The following SLC38A8 variants were observed in gnomAD, a reference collection of about 807,000 sequenced individuals.
SLC38A8 encodes amino acid transporter SLC38A8.
SLC38A8 carries 65 observed loss-of-function variants against 46.0 expected under a neutral mutation model. The ratio of observed to expected loss-of-function variants is 1.41; its 90% CI spans 1.16 to 1.74. The LOEUF (loss-of-function observed/expected upper bound fraction) is 1.74, where lower values mean the gene tolerates loss of function less well. Among genes scored for constraint, SLC38A8 ranks in the 40% most tolerant of loss-of-function variants. The pLI is 0.00. For synonymous variants in SLC38A8, 447 were observed against 243.7 expected (o/e 1.83, Z -7.77); for missense variants, 998 against 567.9 (o/e 1.76, Z -7.70).
At chr16:84,011,200 C>T (rs1224000398) in intron 10 of SLC38A8, among the ~76,000 whole-genome samples, 1 of 152,192 alleles carries the variant, frequency 6.6e-6, no homozygotes, top group African/African-American at 2.4e-5. Context: ...ACTCCTGGAG[C>T]AGCGCTGATG....
intron 9 of SLC38A8, among the ~76,000 whole-genome samples, chr16:84,015,775 G>C (rs1177737452): frequency 1.3e-5 from 2 of 152,154 alleles, no homozygotes; most frequent in Admixed American, 6.5e-5. Context: ...GCGCAATCTT[G>C]GCTCCCTGCA....
At chr16:84,042,338 G>C (rs2085377406) in intron 1 of SLC38A8, among the ~76,000 whole-genome samples, 179 bp from the exon 2 acceptor site, 1 of 151,988 alleles carries the variant, frequency 6.6e-6, no homozygotes, top group Non-Finnish European at 1.5e-5. Flanking sequence ...ACGACTTCTA[G>C]TCCCCCTTCG....
intron 6 of SLC38A8, among the ~76,000 whole-genome samples, chr16:84,024,004 G>A (rs1015346051): frequency 5.3e-5 from 8 of 152,244 alleles, no homozygotes; most frequent in African/African-American, 1.9e-4. Context: ...CACGATTGAT[G>A]TCTGGTGTGG....
At chr16:84,012,959 C>CG (rs1470014947) in intron 10 of SLC38A8, 42 bp downstream of exon 10, 1 of 1,601,434 alleles carries the variant, frequency 6.2e-7, no homozygotes, top group Admixed American at 1.7e-5. Context: ...TACTCTGATC[C>CG]GGGGCACACC....
intron 6 of SLC38A8, among the ~76,000 whole-genome samples, chr16:84,028,581 AAAG>A (rs1167945616): frequency 1.3e-5 from 2 of 151,186 alleles, no homozygotes; most frequent in African/African-American, 2.4e-5. Flanking sequence ...AAAAAAAAAA[AAAG>A]AAAGAAATGG....
At chr16:84,029,799 G>A (rs2085216633) in intron 5 of SLC38A8, among the ~76,000 whole-genome samples, 1 of 152,208 alleles carries the variant, frequency 6.6e-6, no homozygotes, top group African/African-American at 2.4e-5. Flanking sequence ...GGCAGAATTT[G>A]GGCAGGAAAA....
chr16:84,033,537 C>G (rs2085270328), intron 3 of SLC38A8, 68 bp from the exon 4 acceptor site: 2 of 1,495,256 alleles, frequency 1.3e-6, no homozygotes, highest in East Asian at 4.8e-5. Flanking sequence ...TCCCACCTGG[C>G]CCTTCAACCC....
chr16:84,015,472 C>T (rs909895853), intron 9 of SLC38A8, among the ~76,000 whole-genome samples: 2 of 152,000 alleles, frequency 1.3e-5, no homozygotes, highest in East Asian at 3.9e-4. Flanking sequence ...ATACGATTTT[C>T]TTTTTTTAAT....
intron 7 of SLC38A8, among the ~76,000 whole-genome samples, chr16:84,020,141 G>GTTT (rs55834950): frequency 3.7e-5 from 5 of 136,116 alleles, no homozygotes; most frequent in African/African-American, 5.5e-5. Context: ...AACATCCGTT[G>GTTT]TTTTTTTTTT....
Position 84,033,438 on chromosome 16 carries a change from G to A in SLC38A8, c.420C>T (p.Pro140=), listed in dbSNP as rs200108094. 5.2e-5 allele frequency: 84 copies of A among 1,610,784 alleles called. No homozygotes were observed. Among genetic ancestry groups the A allele is most frequent in the Middle Eastern group, 1.8e-4 (1 of 5,612 alleles). Residue 140 remains proline, a synonymous_variant, in exon 4 of 11, where the codon CCC becomes CCT. Coordinates refer to ENST00000299709, the MANE Select transcript of SLC38A8 (RefSeq NM_001080442.3). ...LCDSLLSGTP[P]APQPWYADQR... ...GGTCTGCGTACCACGGCTGCGGGGC[G>A]GGCGGGGTGCCAGACAGGAGGGAGT...
At chr16:84,023,282 C>T (rs9319450) in intron 6 of SLC38A8, among the ~76,000 whole-genome samples, 19,762 of 152,060 alleles carry the variant, frequency 0.13, 3,502 homozygotes, top group African/African-American at 0.4. Flanking sequence ...TGCGGCCCAA[C>T]CCCAGCCAAT....
chr16:84,011,968 G>A (rs113938662), intron 10 of SLC38A8, among the ~76,000 whole-genome samples: 4 of 152,300 alleles, frequency 2.6e-5, no homozygotes, highest in East Asian at 1.9e-4. Flanking sequence ...GGCAGAGACT[G>A]GAGTGATGTA....
chr16:84,011,101 G>C (rs1325827000), intron 10 of SLC38A8, among the ~76,000 whole-genome samples: 1 of 152,202 alleles, frequency 6.6e-6, no homozygotes, highest in South Asian at 2.1e-4. Context: ...ATTTCTAACC[G>C]AGCAGCATCT....
chr16:84,015,601 G>C (rs1457236920), intron 9 of SLC38A8, among the ~76,000 whole-genome samples: 1 of 151,940 alleles, frequency 6.6e-6, no homozygotes, highest in East Asian at 1.9e-4. Flanking sequence ...CTCGGTCTTC[G>C]CATCTATGGA....
At chr16:84,015,817 T>G (rs1364660615) in intron 9 of SLC38A8, among the ~76,000 whole-genome samples, 2 of 152,182 alleles carry the variant, frequency 1.3e-5, no homozygotes, top group African/African-American at 4.8e-5. Flanking sequence ...GTGATTCTCC[T>G]GCCTAAGCCT....
At chr16:84,021,894 CAG>C (rs2085100452) in intron 7 of SLC38A8, among the ~76,000 whole-genome samples, 1 of 152,248 alleles carries the variant, frequency 6.6e-6, no homozygotes, top group African/African-American at 2.4e-5. Context: ...AAGTGGCGCG[CAG>C]AGTGTCACAT....
chr16:84,018,589 T>C (rs2085059439), intron 7 of SLC38A8, among the ~76,000 whole-genome samples: 1 of 152,026 alleles, frequency 6.6e-6, no homozygotes, highest in Non-Finnish European at 1.5e-5. Context: ...AACCCATTAA[T>C]CCATTAAGCC....
chr16:84,040,021 T>G (rs2085350690), intron 2 of SLC38A8: 1 of 152,206 alleles, frequency 6.6e-6, no homozygotes, highest in South Asian at 2.1e-4. Context: ...GCGTTCAAGG[T>G]GGTATGGCCC....
intron 9 of SLC38A8, among the ~76,000 whole-genome samples, chr16:84,014,620 G>C (rs7194594): frequency 0.068 from 10,278 of 152,250 alleles, 1,151 homozygotes; most frequent in African/African-American, 0.23. Flanking sequence ...GAGAGCTCTG[G>C]GCAGAGCCAG....
Sources: gnomAD v4.1 joint callset for allele counts (sites outside exome capture counted in the v4.1 genomes callset) on GRCh38, gnomAD v4.1.1 for gene constraint, MANE v1.5 for transcripts, NCBI Gene and HGNC (gene_info 2026-07-23, HGNC 2026-07-21) for gene names.